IARS2: variants seen among roughly 807,000 people sequenced by gnomAD.
IARS2 encodes the protein isoleucine--tRNA ligase, mitochondrial.
IARS2 carries 56 observed loss-of-function variants against 126.3 expected under a neutral mutation model. The ratio of observed to expected loss-of-function variants is 0.44; its 90% confidence interval spans 0.36 to 0.55. The LOEUF is 0.55. Ranked by LOEUF, IARS2 falls within the 20% of genes least tolerant of loss-of-function variation. The probability of loss-of-function intolerance (pLI) is 0.00; values close to 1 mark genes in which losing one functional copy is unlikely to be tolerated. For missense variants in IARS2, 1,127 were observed against 1,245.9 expected (o/e 0.90, Z 1.44); for synonymous variants, 407 against 441.1 (o/e 0.92, Z 0.97).
chr1:220,124,306 C>A (rs1257888110), intron 12 of IARS2, among the ~76,000 whole-genome samples: 2 of 152,056 alleles, frequency 1.3e-5, no homozygotes, highest in Non-Finnish European at 2.9e-5. Flanking sequence ...CCTAAAGATA[C>A]GACCAGTTCT....
Position 220,103,486 on chromosome 1 carries a change from C to T in IARS2, c.990C>T (p.Tyr330=), listed in dbSNP as rs377623873. Reference sequence around the variant, plus strand: ...AATGTTCTAAGTCTGGAGACCTCTACGTACTGGCGGCAGATAAAGTAGCAT... The same window carrying T: ...AATGTTCTAAGTCTGGAGACCTCTATGTACTGGCGGCAGATAAAGTAGCAT... ...VVKCSKSGDL[Y]VLAADKVASV... is the part of the protein sequence containing the mutation. Residue 330 remains tyrosine (Y), a synonymous_variant, in exon 8 of 23, where the codon TAC becomes TAT. Transcript: ENST00000366922. 148 of 1,613,070 alleles carry T rather than the reference C, an allele frequency of 9.2e-5. 1 individual carries two copies. The highest frequency in any genetic ancestry group is 3.1e-4 in the African/African-American group (23 of 75,020).
At chr1:220,107,461 A>G (rs1656704623) in intron 10 of IARS2, among the ~76,000 whole-genome samples, 1 of 152,208 alleles carries the variant, frequency 6.6e-6, no homozygotes, top group Admixed American at 6.5e-5. Flanking sequence ...TAAATTACAC[A>G]TTCCCTACTC....
intron 10 of IARS2, among the ~76,000 whole-genome samples, chr1:220,109,690 C>G (rs1381979339): frequency 6.6e-6 from 1 of 152,142 alleles, no homozygotes; most frequent in Non-Finnish European, 1.5e-5. Flanking sequence ...TCTAAGAACA[C>G]CAGTGCTCCC....
At position 220,110,966 on chromosome 1, in the gene IARS2, C is replaced by G. The variant is rs185124362; in HGVS notation, c.1479+29C>G. On this transcript the variant is annotated intron_variant, in intron 11 of 22. Transcript: ENST00000366922. Reference sequence around the variant, plus strand: ...TAAAAAGCATCCTGTTTTAACAGGTCGGGCATATCATTCCCTCAGTATAAA... The same window carrying G: ...TAAAAAGCATCCTGTTTTAACAGGTGGGGCATATCATTCCCTCAGTATAAA... 14 of 1,604,178 alleles carry G rather than the reference C, an allele frequency of 8.7e-6. No individual in the cohort carries two copies. In the South Asian group the frequency reaches 1.6e-4, roughly 18 times the overall value.
At chr1:220,099,889 G>A (rs1656536043) in intron 2 of IARS2, among the ~76,000 whole-genome samples, 1 of 152,016 alleles carries the variant, frequency 6.6e-6, no homozygotes, top group African/African-American at 2.4e-5. Flanking sequence ...AAGGGGGGAA[G>A]GGATGGGAGG....
At chr1:220,118,081 T>C in intron 12 of IARS2, 1 of 437,496 alleles carries the variant, frequency 2.3e-6, no homozygotes, top group Non-Finnish European at 4.6e-6. Context: ...AATCTTTTTT[T>C]CTGCTGGAAT....
intron 21 of IARS2, among the ~76,000 whole-genome samples, chr1:220,144,748 A>C (rs1222131278): frequency 6.6e-6 from 1 of 152,230 alleles, no homozygotes; most frequent in Admixed American, 6.5e-5. Context: ...GGATTTTCAA[A>C]AACATGAATG....
intron 15 of IARS2, chr1:220,134,763 TTGTTG>T: frequency 1.2e-5 from 3 of 255,160 alleles, no homozygotes; most frequent in Non-Finnish European, 2.2e-5. Context: ...TTCTTTGTTG[TTGTTG>T]TTTTTTTTTT....
At chr1:220,119,718 A>C (rs531966686) in intron 12 of IARS2, among the ~76,000 whole-genome samples, 26 of 152,222 alleles carry the variant, frequency 1.7e-4, no homozygotes, top group Admixed American at 1.1e-3. Flanking sequence ...GTTGTTTATA[A>C]AGGAACATAA....
chr1:220,094,447 C>T lies in IARS2; in HGVS notation c.231C>T (p.Gly77=), dbSNP rs751348809. 1.2e-6 allele frequency: 2 copies of T among 1,610,474 alleles called. No homozygotes were observed. Among genetic ancestry groups the T allele is most frequent in the Non-Finnish European group, 1.7e-6 (2 of 1,178,818 alleles). The change falls in exon 1 of 23, where the codon GGC becomes GGT. Residue 77 remains glycine, a synonymous_variant. Coordinates refer to ENST00000366922, the MANE Select transcript of IARS2 (RefSeq NM_018060.4). Reference sequence around the variant, plus strand: ...CGAGCTTCCCCATGAAGCTGCTGGGCCGCCAGCAGCCGGACACGGAGCTGG... The same window carrying T: ...CGAGCTTCCCCATGAAGCTGCTGGGTCGCCAGCAGCCGGACACGGAGCTGG... ...PQTSFPMKLL[G]RQQPDTELEI...
At chr1:220,097,365 C>CTTTTTTTTT in intron 2 of IARS2, among the ~76,000 whole-genome samples, 1 of 134,512 alleles carries the variant, frequency 7.4e-6, no homozygotes. Context: ...GTTCTTTTTT[C>CTTTTTTTTT]TTTTTTTTTT....
intron 15 of IARS2, among the ~76,000 whole-genome samples, chr1:220,135,679 C>G (rs1657359063): frequency 6.6e-6 from 1 of 151,734 alleles, no homozygotes. Context: ...GTTTTTGTTT[C>G]TTAACATGCG....
At chr1:220,105,534 G>T (rs947995197) in intron 8 of IARS2, among the ~76,000 whole-genome samples, 1 of 152,118 alleles carries the variant, frequency 6.6e-6, no homozygotes, top group South Asian at 2.1e-4. Flanking sequence ...GAAGTAATTT[G>T]TATGGGGTAG....
At position 220,145,545 on chromosome 1, in the gene IARS2, T is replaced by C. The variant is rs753096332; in HGVS notation, c.2788T>C (p.Leu930=). Residue 930 remains leucine (L), a synonymous_variant, in exon 22 of 23, where the codon TTG becomes CTG. Transcript: ENST00000366922. ...QSEETSSTSQ[L]NELMMASEST... is the part of the protein sequence containing the mutation. ...TGAAGAGACTTCCAGCACCTCTCAG[T>C]TGAATGAATTAATGATGGCTTCTGA... The C allele has an allele frequency of 2.5e-6, 4 of 1,613,544 alleles. No individual in the cohort carries two copies. Among genetic ancestry groups the C allele is most frequent in the Non-Finnish European group, 3.4e-6 (4 of 1,179,690 alleles).
At position 220,114,383 on chromosome 1, in the gene IARS2, C is replaced by T. The variant is rs759787338; in HGVS notation, c.1549C>T (p.Arg517Trp). ...LNGMVEMMDR[R>W]PYWCISRQRV... ...TGGCATGGTTGAAATGATGGACAGGCGGCCATATTGGTGTATATCAAGGCA... is the reference window on the plus strand; with the variant it reads ...TGGCATGGTTGAAATGATGGACAGGTGGCCATATTGGTGTATATCAAGGCA... Residue 517 changes from arginine to tryptophan, a missense_variant, in exon 12 of 23, where the codon CGG becomes TGG. Transcript: ENST00000366922. 27 of 1,613,344 alleles carry T rather than the reference C, an allele frequency of 1.7e-5. No individual in the cohort carries two copies. Among genetic ancestry groups the T allele is most frequent in the African/African-American group, 5.3e-5 (4 of 74,886 alleles).
In IARS2 at chr1:220,148,005, TC is replaced by T. The variant is rs1187052870; in HGVS notation, c.*371del. On this transcript the variant is annotated 3_prime_UTR_variant, in exon 23 of 23. Coordinates refer to ENST00000366922, the MANE Select transcript of IARS2 (RefSeq NM_018060.4). ...TCATCTTTTGACTCTGTATTTAAAT[TC>T]TATGATACTGAAAATAAAGGCATTC... is the stretch of plus-strand genomic sequence containing the variant. The T allele has an allele frequency of 7.8e-6, 3 of 383,514 alleles. No homozygotes were observed. The highest frequency in any genetic ancestry group is 1.4e-5 in the Non-Finnish European group (3 of 216,272). 23.8% of individuals were successfully genotyped at this position (383,514 alleles called of 1,614,324 possible).
At position 220,118,815 on chromosome 1, in the gene IARS2, G is replaced by T. The variant is rs765639724; in HGVS notation, c.1640+4341G>T. Among the ~76,000 whole-genome samples, 6 of 151,896 alleles carry T rather than the reference G, an allele frequency of 4.0e-5. 1 individual carries two copies. The highest frequency in any genetic ancestry group is 8.8e-5 in the Non-Finnish European group (6 of 67,904). ...CTCAGTTAACAATAATAAACCTTTT[G>T]TTCAAAAAATTTATGTTCATTAAAT... On this transcript the variant is annotated intron_variant, in intron 12 of 22. Coordinates refer to ENST00000366922, the MANE Select transcript of IARS2 (RefSeq NM_018060.4).
chr1:220,145,227 G>GT (rs1188331944), intron 21 of IARS2, among the ~76,000 whole-genome samples: 5 of 151,840 alleles, frequency 3.3e-5, no homozygotes, highest in Non-Finnish European at 7.4e-5. Context: ...CACCATATAG[G>GT]TTTTTTTTGT....
rs563203662 is a variant in IARS2, at chr1:220,111,736, T to A, written c.1479+799T>A. On this transcript the variant is annotated intron_variant, in intron 11 of 22. Transcript: ENST00000366922. ...TTACAGTTTGAAAGATACTACTGTA[T>A]TTAGCTGGTTCATTTATTGGCCTGG... Among the ~76,000 whole-genome samples, 8 of 152,142 alleles carry A rather than the reference T, an allele frequency of 5.3e-5. No homozygotes were observed. In the South Asian group the frequency reaches 1.7e-3, roughly 32 times the overall value.
Sources: allele counts gnomAD v4.1 joint callset (sites outside exome capture counted in the v4.1 genomes callset), GRCh38; gene constraint gnomAD v4.1.1; transcripts MANE v1.5; gene names NCBI Gene and HGNC (gene_info 2026-07-23, HGNC 2026-07-21).